Variants in TAMM41 observed in about 807,000 individuals in gnomAD.
TAMM41 encodes the protein TAM41 mitochondrial translocator assembly and maintenance homolog, also known as phosphatidate cytidylyltransferase, mitochondrial.
In TAMM41, 36 loss-of-function variants were observed where a neutral mutation model predicts 44.1. The observed-to-expected ratio is 0.82, with a 90% CI of 0.63 to 1.08. The LOEUF (loss-of-function observed/expected upper bound fraction) is 1.08. Ranked by LOEUF, TAMM41 falls within the 50% of genes least tolerant of loss-of-function variation. The pLI is 0.00. For missense variants in TAMM41, 417 were observed against 404.3 expected (o/e 1.03, Z -0.27); for synonymous variants, 164 against 153.1 (o/e 1.07, Z -0.53).
the TAMM41 span, among the ~76,000 whole-genome samples, chr3:11,759,881 G>A: frequency 6.6e-6 from 1 of 152,094 alleles, no homozygotes; most frequent in East Asian, 1.9e-4. Context: ...GGCTGAGGCA[G>A]GAGAATCGCT....
chr3:11,758,195 T>A, the TAMM41 span, among the ~76,000 whole-genome samples: 1 of 152,268 alleles, frequency 6.6e-6, no homozygotes, highest in East Asian at 1.9e-4. Context: ...AGAGCCCGCA[T>A]CTCAAGGTAA....
chr3:11,796,159 C>A (rs952466555), intron 7 of TAMM41, among the ~76,000 whole-genome samples: 3 of 152,182 alleles, frequency 2.0e-5, no homozygotes, highest in Non-Finnish European at 4.4e-5. Context: ...GACATACTGC[C>A]ATGTTATCCA....
rs2079712084 is a variant in TAMM41, at chr3:11,846,650, A to C, written c.-14T>G. 20 of 1,614,144 alleles carry C rather than the reference A, an allele frequency of 1.2e-5. No individual in the cohort carries two copies. The highest frequency in any genetic ancestry group is 1.7e-5 in the Non-Finnish European group (20 of 1,180,002). On this transcript the variant is annotated 5_prime_UTR_variant, in exon 1 of 8. Transcript: ENST00000455809. ...CTGCAGCGCCATGGGGTCGAGGCTA[A>C]CAGGGGACACTCAGCGCAGCAGGGC...
chr3:11,729,537 TCA>T, the TAMM41 span, among the ~76,000 whole-genome samples: 1,127 of 71,102 alleles, frequency 0.016, 95 homozygotes, highest in East Asian at 0.063. Flanking sequence ...TTTCTTTCTT[TCA>T]TTTTTTTTTT....
chr3:11,740,942 C>A, the TAMM41 span, among the ~76,000 whole-genome samples: 1 of 141,592 alleles, frequency 7.1e-6, no homozygotes, highest in Non-Finnish European at 1.5e-5. Context: ...GGCTCCAGGC[C>A]GGGCGTGGTG....
At chr3:11,825,202 G>A (rs2078696530) in intron 4 of TAMM41, among the ~76,000 whole-genome samples, 1 of 152,206 alleles carries the variant, frequency 6.6e-6, no homozygotes, top group Non-Finnish European at 1.5e-5. Context: ...TGAAAAAGGG[G>A]AGCAATAACT....
In TAMM41 at chr3:11,846,182, C is replaced by T. The variant is rs528928111; in HGVS notation, c.135+320G>A. ...TTCTTAAAAGCTCCCCAGAAAATTC[C>T]GATGTCCAGCCGACTAAAACACTGA... is the stretch of plus-strand genomic sequence containing the variant. On this transcript the variant is annotated intron_variant, in intron 1 of 7. Transcript: ENST00000455809. Among the ~76,000 whole-genome samples the T allele has an allele frequency of 2.0e-5, 3 of 152,346 alleles. No homozygotes were observed. The East Asian group carries it at 5.8e-4, about 29-fold the overall frequency.
At chr3:11,791,754 G>T (rs1401665251) in intron 7 of TAMM41, among the ~76,000 whole-genome samples, 1 of 152,104 alleles carries the variant, frequency 6.6e-6, no homozygotes, top group African/African-American at 2.4e-5. Flanking sequence ...AGTGGCAGGG[G>T]AGCAGTAAAA....
chr3:11,791,568 A>T (rs1357208275), intron 7 of TAMM41, among the ~76,000 whole-genome samples: 2 of 152,092 alleles, frequency 1.3e-5, no homozygotes, highest in Non-Finnish European at 2.9e-5. Flanking sequence ...GATCTGTGCT[A>T]TGAGTGTAAA....
chr3:11,844,858 T>C (rs760039689), intron 1 of TAMM41: 1 of 454,466 alleles, frequency 2.2e-6, no homozygotes, highest in African/African-American at 2.0e-5. Flanking sequence ...TATCACTACA[T>C]TGACTTGATA....
At chr3:11,806,885 G>C (rs2077924444) in intron 7 of TAMM41, among the ~76,000 whole-genome samples, 1 of 152,066 alleles carries the variant, frequency 6.6e-6, no homozygotes, top group Non-Finnish European at 1.5e-5. Flanking sequence ...AATCAGATTG[G>C]CTTTAGACAT....
In TAMM41 at chr3:11,844,217, G is replaced by C; in HGVS notation, c.136-6C>G. The C allele has an allele frequency of 6.2e-6, 10 of 1,611,664 alleles. No homozygotes were observed. Among genetic ancestry groups the C allele is most frequent in the Non-Finnish European group, 8.5e-6 (10 of 1,178,800 alleles). On this transcript the variant is annotated splice_polypyrimidine_tract_variant and splice_region_variant and intron_variant, in intron 1 of 7. Transcript: ENST00000455809. ...ACAAAGTCCAGCATAGCATTCTGTG[G>C]AGTGAAGAAAAGAGAATAATTTCAG... is the stretch of plus-strand genomic sequence containing the variant.
chr3:11,743,754 A>G, the TAMM41 span, among the ~76,000 whole-genome samples: 1 of 152,100 alleles, frequency 6.6e-6, no homozygotes, highest in South Asian at 2.1e-4. Context: ...TCTTACCCTC[A>G]GTGCTCCCAC....
At position 11,817,971 on chromosome 3, in the gene TAMM41, G is replaced by A. The variant is rs562794839; in HGVS notation, c.563-634C>T. On this transcript the variant is annotated intron_variant, in intron 4 of 7. Transcript: ENST00000455809. ...AGCTGAAAAACACCTAATTCTGAAA[G>A]ACAAAAGCATTTCTGAATCAAATGA... Among the ~76,000 whole-genome samples the A allele has an allele frequency of 5.3e-5, 8 of 152,276 alleles. No individual in the cohort carries two copies. The South Asian group carries it at 1.7e-3, about 32-fold the overall frequency.
chr3:11,839,153 A>G (rs1034333289), intron 3 of TAMM41, 69 bp downstream of exon 3: 2 of 956,134 alleles, frequency 2.1e-6, no homozygotes, highest in Non-Finnish European at 3.2e-6. Flanking sequence ...TTGCAATCAC[A>G]ATGATCAAAG....
At chr3:11,808,048 A>T in intron 6 of TAMM41, 153 bp from the exon 7 acceptor site, 1 of 1,385,818 alleles carries the variant, frequency 7.2e-7, no homozygotes, top group Non-Finnish European at 9.5e-7. Context: ...GACAATGAAA[A>T]GGGCAGTGGG....
intron 2 of TAMM41, among the ~76,000 whole-genome samples, chr3:11,841,523 T>C (rs559535741): frequency 5.9e-5 from 9 of 152,240 alleles, no homozygotes; most frequent in Admixed American, 1.3e-4. Context: ...TGCAAATATA[T>C]AAAAAGCAGT....
the TAMM41 span, among the ~76,000 whole-genome samples, chr3:11,738,473 C>G: frequency 2.0e-5 from 3 of 152,184 alleles, no homozygotes; most frequent in Admixed American, 6.5e-5. Context: ...ATTCAACTTT[C>G]AAATTGGCTA....
the TAMM41 span, among the ~76,000 whole-genome samples, chr3:11,754,831 T>C: frequency 2.0e-5 from 3 of 149,322 alleles, no homozygotes; most frequent in Non-Finnish European, 4.4e-5. Context: ...GCCGAGTAAG[T>C]GGGATCACAG....
Sources: gnomAD v4.1 joint callset for allele counts (sites outside exome capture counted in the v4.1 genomes callset) on GRCh38, gnomAD v4.1.1 for gene constraint, MANE v1.5 for transcripts, NCBI Gene and HGNC (gene_info 2026-07-23, HGNC 2026-07-21) for gene names.